The following EFCAB11 variants were observed in gnomAD, a reference collection of about 807,000 sequenced individuals.
The protein encoded by EFCAB11 is EF-hand calcium binding domain 11, also known as EF-hand calcium-binding domain-containing protein 11.
In EFCAB11, 14 loss-of-function variants were observed where a neutral mutation model predicts 23.0. The observed-to-expected ratio is 0.61, with a 90% CI of 0.40 to 0.95. The LOEUF (loss-of-function observed/expected upper bound fraction) is 0.95. EFCAB11 is among the 40% of genes least tolerant of loss of function. EFCAB11 has a pLI of 0.00. For missense variants in EFCAB11, 198 were observed against 195.8 expected, an observed-to-expected ratio of 1.01 and a Z score of -0.07; for synonymous variants, 65 against 66.6, an observed-to-expected ratio of 0.98 and a Z score of 0.11.
chr14:89,880,930 C>G (rs1429585627), intron 5 of EFCAB11, among the ~76,000 whole-genome samples: 1 of 152,116 alleles, frequency 6.6e-6, no homozygotes, highest in Non-Finnish European at 1.5e-5. Flanking sequence ...GCTTCTGCAT[C>G]TCATCTTCCC....
At chr14:89,952,076 G>A (rs1412948504) in intron 2 of EFCAB11, among the ~76,000 whole-genome samples, 2 of 152,086 alleles carry the variant, frequency 1.3e-5, no homozygotes, top group African/African-American at 2.4e-5. Context: ...CCTCAACCTA[G>A]TCTAAAAAAA....
At chr14:89,943,307 G>A (rs572060376) in intron 3 of EFCAB11, among the ~76,000 whole-genome samples, 4 of 151,200 alleles carry the variant, frequency 2.6e-5, no homozygotes, top group East Asian at 1.9e-4. Context: ...GTGCAGTGGC[G>A]TGATCATGGC....
rs1885519827 is a variant in EFCAB11, at chr14:89,794,797, T to A, written c.*2446A>T. On this transcript the variant is annotated 3_prime_UTR_variant, in exon 6 of 6. Transcript: ENST00000316738. Reference sequence around the variant, plus strand: ...ATGAATTTTTAATTTTAGAATAGTTTTAGATTTATAGAAAAATTGTGAAAA... The same window carrying A: ...ATGAATTTTTAATTTTAGAATAGTTATAGATTTATAGAAAAATTGTGAAAA... The A allele has an allele frequency of 6.6e-6, 1 of 152,144 alleles. No individual in the cohort carries two copies. Among genetic ancestry groups the A allele is most frequent in the Non-Finnish European group, 1.5e-5 (1 of 68,028 alleles). The allele number at this position is 152,144 out of a possible 1,614,324, so 9.4% of individuals were successfully genotyped here.
chr14:89,921,580 G>C (rs1412046990), intron 5 of EFCAB11, among the ~76,000 whole-genome samples: 1 of 152,210 alleles, frequency 6.6e-6, no homozygotes, highest in Non-Finnish European at 1.5e-5. Context: ...CCCTGATGCT[G>C]ATGCCACTGG....
At chr14:89,836,658 A>G in intron 5 of EFCAB11, 3 of 456,774 alleles carry the variant, frequency 6.6e-6, no homozygotes, top group South Asian at 3.1e-5. Context: ...TTATTAATGT[A>G]CATCTGTCAG....
Position 89,796,724 on chromosome 14 carries a change from T to A in EFCAB11, c.*519A>T, listed in dbSNP as rs1885584467. On this transcript the variant is annotated 3_prime_UTR_variant, in exon 6 of 6. Coordinates refer to ENST00000316738, the MANE Select transcript of EFCAB11 (RefSeq NM_145231.4). ...CCAATGTTGAGCAAATGAAGGAAACTGGCACCATTGGCAGGAAAAGTCTGC... is the reference window on the plus strand; with the variant it reads ...CCAATGTTGAGCAAATGAAGGAAACAGGCACCATTGGCAGGAAAAGTCTGC... The A allele has an allele frequency of 6.5e-6, 1 of 152,794 alleles. No individual in the cohort carries two copies. The highest frequency in any genetic ancestry group is 1.5e-5 in the Non-Finnish European group (1 of 68,444). The allele number at this position is 152,794 out of a possible 1,614,324, so 9.5% of individuals were successfully genotyped here.
intron 5 of EFCAB11, among the ~76,000 whole-genome samples, chr14:89,810,454 G>T (rs1031752249): frequency 6.6e-6 from 1 of 151,968 alleles, no homozygotes; most frequent in East Asian, 1.9e-4. Flanking sequence ...TTTTTTGTTG[G>T]ACTTTGGAGC....
chr14:89,913,606 A>T (rs1889748655), intron 5 of EFCAB11, among the ~76,000 whole-genome samples: 1 of 152,296 alleles, frequency 6.6e-6, no homozygotes, highest in South Asian at 2.1e-4. Flanking sequence ...ATTCCTAAAA[A>T]ATATATATAC....
intron 5 of EFCAB11, among the ~76,000 whole-genome samples, chr14:89,888,232 T>A: frequency 6.6e-6 from 1 of 152,234 alleles, no homozygotes; most frequent in East Asian, 1.9e-4. Context: ...TGAACCCCCA[T>A]GAATGGGATT....
In EFCAB11 at chr14:89,796,586, T is replaced by C. The variant is rs534494291; in HGVS notation, c.*657A>G. The C allele has an allele frequency of 4.6e-5, 7 of 152,344 alleles. No individual in the cohort carries two copies. The highest frequency in any genetic ancestry group is 3.3e-4 in the Admixed American group (5 of 15,296). The allele number at this position is 152,344 out of a possible 1,614,324, so 9.4% of individuals were successfully genotyped here. On this transcript the variant is annotated 3_prime_UTR_variant, in exon 6 of 6. Transcript: ENST00000316738. ...GCTTTGGCCTCCCAAAGTGCTGGGA[T>C]TGTAGGCATGAGCCTATCTTAGAGA...
chr14:89,856,159 T>C (rs907644721), intron 5 of EFCAB11, among the ~76,000 whole-genome samples: 2 of 151,576 alleles, frequency 1.3e-5, no homozygotes, highest in East Asian at 1.9e-4. Flanking sequence ...CTGAGTCATA[T>C]GGTAGTTCTA....
chr14:89,890,703 A>G (rs749585524), intron 5 of EFCAB11, among the ~76,000 whole-genome samples: 11 of 152,238 alleles, frequency 7.2e-5, no homozygotes, highest in Non-Finnish European at 2.9e-5. Flanking sequence ...CAAATTCTTG[A>G]GGCTAGCTTG....
intron 5 of EFCAB11, among the ~76,000 whole-genome samples, chr14:89,817,185 G>A (rs901920778): frequency 2.0e-5 from 3 of 151,874 alleles, no homozygotes; most frequent in African/African-American, 4.8e-5. Context: ...ACAATAAGGG[G>A]CAACTTAAGA....
intron 5 of EFCAB11, among the ~76,000 whole-genome samples, chr14:89,825,227 A>G (rs1886650991): frequency 6.6e-6 from 1 of 152,134 alleles, no homozygotes; most frequent in Non-Finnish European, 1.5e-5. Flanking sequence ...ATTAAACAGT[A>G]CATTTCATAA....
intron 5 of EFCAB11, among the ~76,000 whole-genome samples, chr14:89,835,585 C>CGTGTGTGTGTGTGTGTGTGTGTGTGTGT (rs67831579): frequency 9.6e-5 from 9 of 93,394 alleles, no homozygotes; most frequent in East Asian, 3.5e-4. Flanking sequence ...GGATGCTCAA[C>CGTGTGTGTGTGTGTGTGTGTGTGTGTGT]GTGTGTGTGT....
At chr14:89,845,352 T>C (rs912190016) in intron 5 of EFCAB11, among the ~76,000 whole-genome samples, 1 of 152,260 alleles carries the variant, frequency 6.6e-6, no homozygotes, top group African/African-American at 2.4e-5. Flanking sequence ...AACAAATTAA[T>C]ATGATTTTCA....
chr14:89,931,784 T>C (rs947463619), intron 4 of EFCAB11, among the ~76,000 whole-genome samples, 153 bp from the exon 5 acceptor site: 1 of 152,236 alleles, frequency 6.6e-6, no homozygotes, highest in Non-Finnish European at 1.5e-5. Context: ...AATCTGAGAT[T>C]GTCTCATCGG....
At chr14:89,801,326 T>C (rs1215946380) in intron 5 of EFCAB11, among the ~76,000 whole-genome samples, 1 of 152,142 alleles carries the variant, frequency 6.6e-6, no homozygotes, top group Admixed American at 6.5e-5. Context: ...TGGGGGATGG[T>C]GACTTTGGGG....
intron 5 of EFCAB11, among the ~76,000 whole-genome samples, chr14:89,817,585 T>C (rs1259603254): frequency 6.6e-6 from 1 of 152,082 alleles, no homozygotes; most frequent in Non-Finnish European, 1.5e-5. Flanking sequence ...ATAAATACAT[T>C]GTAAAGAAAA....
Sources: gnomAD v4.1 joint callset for allele counts (sites outside exome capture counted in the v4.1 genomes callset) on GRCh38, gnomAD v4.1.1 for gene constraint, MANE v1.5 for transcripts, NCBI Gene and HGNC (gene_info 2026-07-23, HGNC 2026-07-21) for gene names.